NRG1: variants seen among roughly 807,000 people sequenced by gnomAD.
The protein encoded by NRG1 is neuregulin 1, also known as pro-neuregulin-1, membrane-bound isoform.
A neutral mutation model predicts 63.8 loss-of-function variants in NRG1; 18 were observed. That is an observed-to-expected ratio of 0.28 (90% confidence interval 0.19 to 0.42). NRG1 has a LOEUF of 0.42. Among genes scored for constraint, NRG1 ranks in the 10% least tolerant of loss-of-function variants. The pLI, the probability that NRG1 is intolerant of heterozygous loss-of-function variation, is 1.00. For missense variants in NRG1, 762 were observed against 814.7 expected, an observed-to-expected ratio of 0.94 and a Z score of 0.79; for synonymous variants, 302 against 301.3, an observed-to-expected ratio of 1.00 and a Z score of -0.02.
At chr8:31,968,150 G>T (rs978560422) in intron 1 of NRG1, among the ~76,000 whole-genome samples, 1 of 152,094 alleles carries the variant, frequency 6.6e-6, no homozygotes. Flanking sequence ...AAACAAAAAA[G>T]AAATGAATAA....
chr8:32,728,249 C>A (rs1822755737), intron 6 of NRG1, 171 bp downstream of exon 6: 1 of 985,294 alleles, frequency 1.0e-6, no homozygotes, highest in Non-Finnish European at 1.2e-6. Flanking sequence ...CATCACTCCT[C>A]TGTCATATGC....
At chr8:32,092,806 C>A (rs895610575) in intron 1 of NRG1, among the ~76,000 whole-genome samples, 2 of 152,042 alleles carry the variant, frequency 1.3e-5, no homozygotes, top group Non-Finnish European at 2.9e-5. Context: ...TCCCAGTGCA[C>A]CATGCATTGC....
At chr8:32,016,390 G>A (rs572401164) in intron 1 of NRG1, among the ~76,000 whole-genome samples, 9 of 152,016 alleles carry the variant, frequency 5.9e-5, no homozygotes, top group African/African-American at 1.4e-4. Context: ...CTGTCTGCAG[G>A]AGCCACATGG....
At chr8:32,134,345 G>A (rs910198336) in intron 1 of NRG1, among the ~76,000 whole-genome samples, 1 of 152,004 alleles carries the variant, frequency 6.6e-6, no homozygotes, top group African/African-American at 2.4e-5. Flanking sequence ...TTTCCCTATA[G>A]ACAAAAAATA....
In NRG1 at chr8:31,816,115, A is replaced by G. The variant is rs547925235; in HGVS notation, c.37+176684A>G. Among the ~76,000 whole-genome samples the G allele has an allele frequency of 1.2e-4, 18 of 152,284 alleles. No homozygotes were observed. In the South Asian group the frequency reaches 3.5e-3, roughly 30 times the overall value. ...GATGGCACTAAAGCTACTTCTTCTTACCTTCGAAGTCACAGTACCTGTAAT... is the reference window on the plus strand; with the variant it reads ...GATGGCACTAAAGCTACTTCTTCTTGCCTTCGAAGTCACAGTACCTGTAAT... On this transcript the variant is annotated intron_variant, in intron 1 of 10. Transcript: ENST00000519301.
At chr8:32,371,362 C>A (rs547854347) in intron 1 of NRG1, among the ~76,000 whole-genome samples, 1 of 152,288 alleles carries the variant, frequency 6.6e-6, no homozygotes, top group South Asian at 2.1e-4. Context: ...TCTGTGACTG[C>A]GTGGTCTTTG....
chr8:32,701,199 A>G (rs1814784302), intron 5 of NRG1, among the ~76,000 whole-genome samples: 2 of 152,210 alleles, frequency 1.3e-5, no homozygotes, highest in Admixed American at 1.3e-4. Context: ...CAAAGAATGT[A>G]TGTATATTCT....
intron 1 of NRG1, among the ~76,000 whole-genome samples, chr8:32,027,659 T>G (rs1244439299): frequency 1.3e-5 from 2 of 152,144 alleles, no homozygotes; most frequent in Non-Finnish European, 2.9e-5. Context: ...CTGAATTTAC[T>G]TTCATGGATT....
At chr8:32,304,673 C>G (rs1019960891) in intron 1 of NRG1, among the ~76,000 whole-genome samples, 2 of 152,072 alleles carry the variant, frequency 1.3e-5, no homozygotes, top group Non-Finnish European at 2.9e-5. Flanking sequence ...AGCACAAGCT[C>G]TGAGCTTGTT....
intron 1 of NRG1, among the ~76,000 whole-genome samples, chr8:32,345,580 A>G (rs1227193308): frequency 1.3e-5 from 2 of 152,186 alleles, no homozygotes; most frequent in Non-Finnish European, 2.9e-5. Flanking sequence ...AAGTACAGCA[A>G]CCTCAATGTC....
chr8:32,748,707 GCTCT>G (rs1252412909), intron 7 of NRG1: 2 of 456,084 alleles, frequency 4.4e-6, no homozygotes, highest in African/African-American at 4.0e-5. Context: ...GATTTCACTG[GCTCT>G]CTGTGATTTA....
Position 32,327,166 on chromosome 8 carries a change from C to T in NRG1, c.38-268662C>T, listed in dbSNP as rs543610627. Among the ~76,000 whole-genome samples the T allele has an allele frequency of 1.2e-3, 185 of 152,222 alleles. 1 individual carries two copies. The highest frequency in any genetic ancestry group is 4.4e-3 in the African/African-American group (182 of 41,540). ...AGATGAAAGAAAGAAGAGGTTCCTC[C>T]CTGGTTTCTGTTTATTTGAACCTGA... On this transcript the variant is annotated intron_variant, in intron 1 of 10. Coordinates refer to the NRG1 transcript ENST00000519301.
intron 1 of NRG1, among the ~76,000 whole-genome samples, chr8:31,923,902 A>T (rs1320584807): frequency 6.6e-6 from 1 of 151,948 alleles, no homozygotes; most frequent in Non-Finnish European, 1.5e-5. Flanking sequence ...CCACACATTC[A>T]TGATGGACAG....
chr8:32,478,754 G>A (rs905063901), intron 1 of NRG1, among the ~76,000 whole-genome samples: 2 of 152,144 alleles, frequency 1.3e-5, no homozygotes, highest in Non-Finnish European at 2.9e-5. Context: ...TTGTCCTTTG[G>A]CATTAAAATG....
intron 1 of NRG1, among the ~76,000 whole-genome samples, chr8:31,927,683 C>T (rs1394906263): frequency 6.0e-5 from 9 of 149,110 alleles, no homozygotes; most frequent in Middle Eastern, 3.5e-3. Flanking sequence ...CTCCTGACCT[C>T]GTGATCCGCC....
chr8:31,756,716 T>C (rs1817000484), intron 1 of NRG1, among the ~76,000 whole-genome samples: 1 of 152,164 alleles, frequency 6.6e-6, no homozygotes, highest in Non-Finnish European at 1.5e-5. Context: ...TAATCAAAAA[T>C]GTTACTGCTT....
At chr8:32,233,901 G>A (rs1004179890) in intron 1 of NRG1, among the ~76,000 whole-genome samples, 1 of 152,046 alleles carries the variant, frequency 6.6e-6, no homozygotes, top group Non-Finnish European at 1.5e-5. Flanking sequence ...GTTCATATAA[G>A]CAGTAGAACC....
At chr8:32,433,119 T>G (rs1056115650) in intron 1 of NRG1, among the ~76,000 whole-genome samples, 7 of 152,074 alleles carry the variant, frequency 4.6e-5, no homozygotes, top group East Asian at 3.9e-4. Flanking sequence ...TTGTGCTGGG[T>G]GGTAAAAATT....
intron 1 of NRG1, among the ~76,000 whole-genome samples, chr8:31,789,767 G>T (rs1024128230): frequency 6.6e-6 from 1 of 152,080 alleles, no homozygotes. Context: ...GTTCTGGATT[G>T]TAATCCTATA....
Sources: gnomAD v4.1 joint callset for allele counts (sites outside exome capture counted in the v4.1 genomes callset) on GRCh38, gnomAD v4.1.1 for gene constraint, MANE v1.5 for transcripts, NCBI Gene and HGNC (gene_info 2026-07-23, HGNC 2026-07-21) for gene names.